Variants in CYTH1 observed in about 807,000 individuals in gnomAD.
CYTH1 encodes the protein cytohesin 1.
CYTH1 carries 18 observed loss-of-function variants against 61.8 expected under a neutral mutation model. The observed-to-expected ratio is 0.29, with a 90% confidence interval of 0.20 to 0.43. The LOEUF is 0.43. Among genes scored for constraint, CYTH1 ranks in the 20% least tolerant of loss-of-function variants. CYTH1 has a pLI of 1.00. For missense variants in CYTH1, 336 were observed against 510.5 expected (o/e 0.66, Z 3.29); for synonymous variants, 174 against 184.3 (o/e 0.94, Z 0.45).
chr17:78,681,603 G>A (rs1479618312), intron 11 of CYTH1, among the ~76,000 whole-genome samples: 6 of 152,076 alleles, frequency 3.9e-5, no homozygotes, highest in Non-Finnish European at 5.9e-5. Flanking sequence ...AGCTGCACCC[G>A]CCAACTAGTC....
At chr17:78,697,323 T>C (rs2092949586) in intron 9 of CYTH1, among the ~76,000 whole-genome samples, 3 of 57,678 alleles carry the variant, frequency 5.2e-5, no homozygotes, top group African/African-American at 7.2e-5. Context: ...CCTGCTAGTG[T>C]CCAAAAAAAA....
chr17:78,691,045 T>C (rs1598830852), intron 11 of CYTH1, among the ~76,000 whole-genome samples: 1 of 152,216 alleles, frequency 6.6e-6, no homozygotes, highest in Non-Finnish European at 1.5e-5. Flanking sequence ...AGTGGTACTT[T>C]GGGGGTGAAG....
At chr17:78,718,466 T>C (rs1191347545) in intron 1 of CYTH1, among the ~76,000 whole-genome samples, 1 of 152,132 alleles carries the variant, frequency 6.6e-6, no homozygotes, top group African/African-American at 2.4e-5. Flanking sequence ...AAAGATACAG[T>C]GATCATGGCG....
intron 1 of CYTH1, among the ~76,000 whole-genome samples, chr17:78,764,438 G>T (rs1221266783): frequency 6.6e-6 from 1 of 151,954 alleles, no homozygotes; most frequent in Non-Finnish European, 1.5e-5. Flanking sequence ...TAGGGTTACA[G>T]ATGTGAGCCA....
At chr17:78,740,416 C>T (rs1046439718) in intron 1 of CYTH1, among the ~76,000 whole-genome samples, 6 of 152,218 alleles carry the variant, frequency 3.9e-5, no homozygotes, top group African/African-American at 1.2e-4. Context: ...TCTTGTTATA[C>T]TTCCAGTTCA....
At chr17:78,741,211 G>A (rs916257727) in intron 1 of CYTH1, among the ~76,000 whole-genome samples, 1 of 152,042 alleles carries the variant, frequency 6.6e-6, no homozygotes, top group African/African-American at 2.4e-5. Context: ...AGATTAGGTG[G>A]GAATACACAA....
intron 9 of CYTH1, among the ~76,000 whole-genome samples, chr17:78,696,382 C>A (rs928745548): frequency 2.0e-5 from 3 of 152,234 alleles, no homozygotes; most frequent in Non-Finnish European, 4.4e-5. Context: ...AATTAAATGT[C>A]TTTCTTGAGA....
chr17:78,771,533 C>A (rs188457335), intron 1 of CYTH1, among the ~76,000 whole-genome samples: 2 of 151,962 alleles, frequency 1.3e-5, no homozygotes, highest in East Asian at 3.9e-4. Flanking sequence ...GAGATAGACA[C>A]CATCCTGGCC....
intron 1 of CYTH1, among the ~76,000 whole-genome samples, chr17:78,720,279 T>C (rs1422364240): frequency 6.6e-6 from 1 of 152,188 alleles, no homozygotes; most frequent in Non-Finnish European, 1.5e-5. Context: ...CCTGGCATGG[T>C]GGCTCATGCC....
chr17:78,726,390 AGTTACTGTGGAAGAGG>A (rs2093266986), intron 1 of CYTH1, among the ~76,000 whole-genome samples: 2 of 149,576 alleles, frequency 1.3e-5, no homozygotes, highest in East Asian at 3.9e-4. Flanking sequence ...GCCCCCTGTC[AGTTACTGTGGAAGAGG>A]CCCCCTGTCA....
chr17:78,758,479 C>A (rs2093410548), intron 1 of CYTH1, among the ~76,000 whole-genome samples: 1 of 152,068 alleles, frequency 6.6e-6, no homozygotes, highest in Admixed American at 6.6e-5. Context: ...CCGAGGCAGG[C>A]AGATCACCCG....
intron 1 of CYTH1, among the ~76,000 whole-genome samples, chr17:78,774,419 G>C (rs897542302): frequency 6.6e-6 from 1 of 152,122 alleles, no homozygotes; most frequent in South Asian, 2.1e-4. Context: ...CAAAGAAAAC[G>C]GGTTCTGCAT....
At chr17:78,725,498 G>A (rs1473719469) in intron 1 of CYTH1, among the ~76,000 whole-genome samples, 1 of 152,114 alleles carries the variant, frequency 6.6e-6, no homozygotes, top group African/African-American at 2.4e-5. Context: ...TTATTTTGAG[G>A]TGACATCACT....
intron 1 of CYTH1, among the ~76,000 whole-genome samples, chr17:78,764,583 G>T (rs2093440990): frequency 6.6e-6 from 1 of 152,172 alleles, no homozygotes; most frequent in African/African-American, 2.4e-5. Flanking sequence ...AGCAGTTTCA[G>T]CAAGAACCAG....
At chr17:78,734,552 T>C (rs2093311729) in intron 1 of CYTH1, among the ~76,000 whole-genome samples, 1 of 146,532 alleles carries the variant, frequency 6.8e-6, no homozygotes, top group Non-Finnish European at 1.5e-5. Flanking sequence ...GCTATTCTCC[T>C]GCCTCAGCCT....
At chr17:78,744,816 A>G (rs1414267420) in intron 1 of CYTH1, among the ~76,000 whole-genome samples, 4 of 151,794 alleles carry the variant, frequency 2.6e-5, no homozygotes, top group Non-Finnish European at 5.9e-5. Context: ...TTTTGTTATC[A>G]AAAGAAAAAC....
intron 1 of CYTH1, among the ~76,000 whole-genome samples, chr17:78,755,502 A>AAAAAAAG (rs1022628981): frequency 1.3e-5 from 2 of 151,820 alleles, no homozygotes; most frequent in Admixed American, 6.6e-5. Context: ...AAAAAAAAAA[A>AAAAAAAG]AAAGGAAAGA....
chr17:78,769,852 A>C (rs2093463485), intron 1 of CYTH1, among the ~76,000 whole-genome samples: 1 of 151,936 alleles, frequency 6.6e-6, no homozygotes, highest in African/African-American at 2.4e-5. Flanking sequence ...CTCCGTCTCT[A>C]CTAAAAATAC....
chr17:78,760,581 A>ATG, intron 1 of CYTH1, among the ~76,000 whole-genome samples: 1 of 27,198 alleles, frequency 3.7e-5, no homozygotes, highest in African/African-American at 1.1e-4. Context: ...ACATACATAT[A>ATG]TATGTATATA....
Sources: gnomAD v4.1 joint callset for allele counts (sites outside exome capture counted in the v4.1 genomes callset) on GRCh38, gnomAD v4.1.1 for gene constraint, MANE v1.5 for transcripts, NCBI Gene and HGNC (gene_info 2026-07-23, HGNC 2026-07-21) for gene names.